DDX50: variants seen among roughly 807,000 people sequenced by gnomAD.
DDX50 encodes the protein ATP-dependent RNA helicase DDX50.
A neutral mutation model predicts 94.8 loss-of-function variants in DDX50; 56 were observed. That is an observed-to-expected ratio of 0.59 (90% CI 0.48 to 0.74). The LOEUF is 0.74. DDX50 is among the 30% of genes least tolerant of loss of function. DDX50 has a pLI of 0.00. For missense variants in DDX50, 713 were observed against 881.2 expected (o/e 0.81, Z 2.42); for synonymous variants, 264 against 295.4 (o/e 0.89, Z 1.09).
chr10:68,918,327 A>T (rs1589256299), intron 7 of DDX50, among the ~76,000 whole-genome samples: 1 of 151,978 alleles, frequency 6.6e-6, no homozygotes, highest in African/African-American at 2.4e-5. Flanking sequence ...GTCATATAGT[A>T]CATTTACAGT....
At chr10:68,946,058 G>T (rs1164547385) in intron 14 of DDX50, among the ~76,000 whole-genome samples, 1 of 151,842 alleles carries the variant, frequency 6.6e-6, no homozygotes, top group Non-Finnish European at 1.5e-5. Context: ...TAGAATGTTA[G>T]AATTTATTTA....
chr10:68,915,037 AC>A (rs1422485303), intron 7 of DDX50, among the ~76,000 whole-genome samples: 8 of 141,638 alleles, frequency 5.6e-5, no homozygotes, highest in Non-Finnish European at 1.1e-4. Context: ...AAAAAAAAAA[AC>A]CACAGAAGTC....
intron 13 of DDX50, among the ~76,000 whole-genome samples, chr10:68,941,934 C>G (rs1311412379): frequency 6.6e-6 from 1 of 152,106 alleles, no homozygotes; most frequent in Non-Finnish European, 1.5e-5. Flanking sequence ...GCCACCATAC[C>G]CTGTCCATGT....
chr10:68,935,889 A>T, intron 10 of DDX50, 117 bp from the exon 11 acceptor site: 2 of 701,520 alleles, frequency 2.9e-6, no homozygotes, highest in East Asian at 5.8e-5. Flanking sequence ...TTAATCTGCT[A>T]GGGCTATGAA....
intron 13 of DDX50, among the ~76,000 whole-genome samples, chr10:68,941,682 C>T (rs1842557268): frequency 6.6e-6 from 1 of 151,776 alleles, no homozygotes; most frequent in Non-Finnish European, 1.5e-5. Flanking sequence ...TCTTGTCGCC[C>T]AGGCTAGAGT....
At chr10:68,902,754 C>A (rs1374114962) in intron 1 of DDX50, among the ~76,000 whole-genome samples, 2 of 152,190 alleles carry the variant, frequency 1.3e-5, no homozygotes, top group East Asian at 3.8e-4. Flanking sequence ...AAATTCTTGT[C>A]TTTTGCATCC....
chr10:68,929,348 CTTCTTTCCTTCT>C (rs1842185294), intron 8 of DDX50, among the ~76,000 whole-genome samples: 1 of 143,652 alleles, frequency 7.0e-6, no homozygotes, highest in Non-Finnish European at 1.5e-5. Flanking sequence ...TCCTTCCTTC[CTTCTTTCCTTCT>C]TTCCTTCCTT....
chr10:68,919,771 A>G, intron 7 of DDX50, 61 bp from the exon 8 acceptor site: 1 of 1,581,678 alleles, frequency 6.3e-7, no homozygotes, highest in African/African-American at 1.4e-5. Flanking sequence ...AAAATACACA[A>G]GAGAAATATT....
intron 13 of DDX50, among the ~76,000 whole-genome samples, chr10:68,941,964 A>G (rs1306346747): frequency 6.7e-6 from 1 of 149,646 alleles, no homozygotes; most frequent in Non-Finnish European, 1.5e-5. Flanking sequence ...TGTGATTATT[A>G]TTTGGTAAAG....
chr10:68,910,680 C>A (rs888865527), intron 3 of DDX50, among the ~76,000 whole-genome samples: 16 of 152,176 alleles, frequency 1.1e-4, no homozygotes, highest in African/African-American at 3.9e-4. Flanking sequence ...GGATTACAGG[C>A]GTGAGCCACC....
intron 10 of DDX50, among the ~76,000 whole-genome samples, chr10:68,935,237 T>G (rs761404653): frequency 1.3e-5 from 2 of 152,198 alleles, no homozygotes; most frequent in Non-Finnish European, 2.9e-5. Flanking sequence ...ATAGTTAAGA[T>G]TCTTTTAAGT....
In DDX50 at chr10:68,901,352, A is replaced by G. The variant is rs374521840; in HGVS notation, c.-33A>G. 5.3e-6 allele frequency: 8 copies of G among 1,519,906 alleles called. No individual in the cohort carries two copies. Among genetic ancestry groups the G allele is most frequent in the Non-Finnish European group, 6.2e-6 (7 of 1,130,414 alleles). 94.2% of individuals were successfully genotyped at this position (1,519,906 alleles called of 1,614,324 possible). On this transcript the variant is annotated 5_prime_UTR_variant, in exon 1 of 15. Coordinates refer to ENST00000373585, the MANE Select transcript of DDX50 (RefSeq NM_024045.2). ...TCGCTGCCCGTAGGTGGTTGTGGCC[A>G]CTGTGCCCGGAGGGAGGCGGCGGTG...
At chr10:68,930,899 G>C (rs942726437) in intron 8 of DDX50, among the ~76,000 whole-genome samples, 1 of 152,010 alleles carries the variant, frequency 6.6e-6, no homozygotes, top group Non-Finnish European at 1.5e-5. Flanking sequence ...GCCATCTCCC[G>C]CTTTGGCCTC....
chr10:68,943,512 T>G (rs1476191450), intron 14 of DDX50, among the ~76,000 whole-genome samples: 2 of 152,188 alleles, frequency 1.3e-5, no homozygotes, highest in African/African-American at 4.8e-5. Flanking sequence ...TCCTCCCACC[T>G]CAGACTCCCA....
intron 7 of DDX50, among the ~76,000 whole-genome samples, chr10:68,915,114 G>A (rs1280029495): frequency 6.7e-6 from 1 of 148,580 alleles, no homozygotes; most frequent in African/African-American, 2.5e-5. Flanking sequence ...CCAATGGTAT[G>A]TTTAAAAAAA....
intron 8 of DDX50, among the ~76,000 whole-genome samples, chr10:68,930,264 C>A (rs944046547): frequency 6.6e-6 from 1 of 151,164 alleles, no homozygotes. Context: ...ATTACAGGTG[C>A]CTGCCATCAT....
rs1255982522 is a variant in DDX50 at position 68,936,998 on chromosome 10, T to C, written c.1658T>C (p.Ile553Thr). ...DFFRPSAQRL[I>T]EEKGAVDALA... is the part of the protein sequence containing the mutation. ...TTCCGACCATCAGCTCAGAGACTGATAGAAGAGAAAGGTGCAGTGGATGCA... is the reference window on the plus strand; with the variant it reads ...TTCCGACCATCAGCTCAGAGACTGACAGAAGAGAAAGGTGCAGTGGATGCA... The change falls in exon 12 of 15, where the codon ATA becomes ACA. Residue 553 changes from isoleucine to threonine, a missense_variant. Coordinates refer to ENST00000373585, the MANE Select transcript of DDX50 (RefSeq NM_024045.2). The C allele has an allele frequency of 1.2e-6, 2 of 1,612,242 alleles. No individual in the cohort carries two copies. The highest frequency in any genetic ancestry group is 2.2e-5 in the East Asian group (1 of 44,876).
At chr10:68,936,720 A>G (rs550170897) in intron 11 of DDX50, among the ~76,000 whole-genome samples, 15 of 151,248 alleles carry the variant, frequency 9.9e-5, no homozygotes, top group Admixed American at 6.6e-4. Flanking sequence ...GTGCACCTGT[A>G]GTCCCAGCTA....
At chr10:68,928,163 A>C (rs1207305877) in intron 8 of DDX50, among the ~76,000 whole-genome samples, 1 of 152,074 alleles carries the variant, frequency 6.6e-6, no homozygotes, top group Non-Finnish European at 1.5e-5. Flanking sequence ...AAAAATAAAA[A>C]AATTGCCTAG....
Sources: allele counts gnomAD v4.1 joint callset (sites outside exome capture counted in the v4.1 genomes callset), GRCh38; gene constraint gnomAD v4.1.1; transcripts MANE v1.5; gene names NCBI Gene and HGNC (gene_info 2026-07-23, HGNC 2026-07-21).